Variants in CASK observed in about 807,000 individuals in gnomAD.
CASK encodes peripheral plasma membrane protein CASK.
In CASK, 4 loss-of-function variants were observed where a neutral mutation model predicts 82.9. The ratio of observed to expected loss-of-function variants is 0.05; its 90% CI spans 0.02 to 0.11. CASK has a LOEUF of 0.11. CASK is among the 10% of genes least tolerant of loss of function. The pLI is 1.00. For synonymous variants in CASK, 259 were observed against 253.5 expected (o/e 1.02, Z -0.20); for missense variants, 358 against 720.9 (o/e 0.50, Z 5.76).
chrX:41,861,250 G>GTGCGTGTGTGCGTGTGCA (rs1480582635), intron 1 of CASK, among the ~76,000 whole-genome samples: 3 of 111,474 alleles, frequency 2.7e-5, no homozygotes, highest in African/African-American at 6.5e-5. Context: ...GTGTGTTTGT[G>GTGCGTGTGTGCGTGTGCA]TGCGTGTGTG....
chrX:41,788,092 A>G (rs1297256935), intron 2 of CASK, among the ~76,000 whole-genome samples: 1 of 104,642 alleles, frequency 9.6e-6, no homozygotes, highest in African/African-American at 3.5e-5. Context: ...GGGAGGCAGA[A>G]GTTGCAGTGA....
chrX:41,729,057 T>C (rs1437112710), intron 5 of CASK: 2 of 123,551 alleles, frequency 1.6e-5, no homozygotes, highest in African/African-American at 3.2e-5. Context: ...AATAATGTTA[T>C]TAGTGACAAA....
At chrX:41,896,173 T>C (rs1232465405) in intron 1 of CASK, among the ~76,000 whole-genome samples, 1 of 111,932 alleles carries the variant, frequency 8.9e-6, no homozygotes, top group Non-Finnish European at 1.9e-5. Context: ...AAAGATTCAA[T>C]TTAGAAATCC....
At chrX:41,593,146 A>G (rs1344586635) in intron 12 of CASK, among the ~76,000 whole-genome samples, 2 of 111,597 alleles carry the variant, frequency 1.8e-5, no homozygotes, top group South Asian at 3.7e-4. Context: ...TGGGGCTTCT[A>G]CCTGAGGTGG....
At chrX:41,538,340 T>TA (rs1362135710) in intron 22 of CASK, among the ~76,000 whole-genome samples, 3 of 111,970 alleles carry the variant, frequency 2.7e-5, no homozygotes, top group African/African-American at 9.7e-5. Flanking sequence ...TGTATGTAAA[T>TA]AGAGTATTTC....
intron 2 of CASK, among the ~76,000 whole-genome samples, chrX:41,813,773 A>G (rs1378985574): frequency 8.9e-6 from 1 of 112,045 alleles, no homozygotes; most frequent in African/African-American, 3.2e-5. Flanking sequence ...GCTTCTGCAC[A>G]GCAAAAGAAA....
chrX:41,754,223 C>A (rs888848976), intron 3 of CASK, among the ~76,000 whole-genome samples: 13 of 110,344 alleles, frequency 1.2e-4, no homozygotes, highest in Non-Finnish European at 2.3e-4. Flanking sequence ...TATAGTGAGA[C>A]CCCCATCTCT....
At chrX:41,628,053 G>T (rs1305842450) in intron 9 of CASK, among the ~76,000 whole-genome samples, 1 of 112,044 alleles carries the variant, frequency 8.9e-6, no homozygotes, top group Non-Finnish European at 1.9e-5. Flanking sequence ...TACAGGATTG[G>T]CAAAAGTCAT....
At chrX:41,631,897 C>T (rs1201533442) in intron 9 of CASK, among the ~76,000 whole-genome samples, 2 of 111,371 alleles carry the variant, frequency 1.8e-5, no homozygotes. Flanking sequence ...ACTGCTCATA[C>T]CAGAATAAGT....
At chrX:41,788,976 C>T (rs1043024909) in intron 2 of CASK, among the ~76,000 whole-genome samples, 1 of 111,689 alleles carries the variant, frequency 9.0e-6, no homozygotes, top group Admixed American at 9.5e-5. Context: ...GGCTTAGAAA[C>T]GTGTTCAAGA....
intron 25 of CASK, among the ~76,000 whole-genome samples, chrX:41,526,295 A>C (rs2064711716): frequency 9.0e-6 from 1 of 111,369 alleles, no homozygotes. Context: ...ATGGGAAAGA[A>C]TCCTATTTGC....
intron 26 of CASK, among the ~76,000 whole-genome samples, chrX:41,520,874 C>G (rs1269900880): frequency 5.3e-5 from 6 of 112,279 alleles, no homozygotes; most frequent in Non-Finnish European, 9.4e-5. Context: ...CACCCCCACT[C>G]AGGCCTAGCT....
At chrX:41,818,495 C>T (rs992118254) in intron 2 of CASK, among the ~76,000 whole-genome samples, 3 of 108,614 alleles carry the variant, frequency 2.8e-5, no homozygotes, top group Non-Finnish European at 5.7e-5. Flanking sequence ...TCCAGCTACT[C>T]GGGAGGCTGA....
At chrX:41,896,015 C>T (rs1200362304) in intron 1 of CASK, among the ~76,000 whole-genome samples, 1 of 111,517 alleles carries the variant, frequency 9.0e-6, no homozygotes, top group Non-Finnish European at 1.9e-5. Context: ...GAGGTTGAAT[C>T]AGAGCCCCTG....
intron 4 of CASK, 33 bp from the exon 5 acceptor site, chrX:41,739,489 A>T: frequency 1.1e-6 from 1 of 937,378 alleles, no homozygotes; most frequent in Non-Finnish European, 1.5e-6. Context: ...AAAAACTGTA[A>T]ACAATTTTTA....
intron 8 of CASK, among the ~76,000 whole-genome samples, chrX:41,658,740 T>C (rs776047682): frequency 1.8e-5 from 2 of 111,514 alleles, no homozygotes; most frequent in South Asian, 7.6e-4. Context: ...GAAGACAGTG[T>C]TTCAGAAGGA....
At chrX:41,839,831 A>G (rs1013735637) in intron 2 of CASK, among the ~76,000 whole-genome samples, 2 of 111,897 alleles carry the variant, frequency 1.8e-5, no homozygotes, top group African/African-American at 6.5e-5. Context: ...CTTGTTGAGA[A>G]GACTTTTTCC....
intron 4 of CASK, among the ~76,000 whole-genome samples, chrX:41,740,284 T>C (rs1289037379): frequency 9.0e-6 from 1 of 111,316 alleles, no homozygotes; most frequent in Non-Finnish European, 1.9e-5. Flanking sequence ...ATTCCCTCCA[T>C]ATTTGTCTCT....
chrX:41,843,855 G>A (rs1601895155), intron 2 of CASK, among the ~76,000 whole-genome samples: 1 of 111,355 alleles, frequency 9.0e-6, no homozygotes, highest in East Asian at 2.8e-4. Flanking sequence ...GCTTATATCA[G>A]TATGTCATTC....
Sources: allele counts gnomAD v4.1 joint callset (sites outside exome capture counted in the v4.1 genomes callset), GRCh38; gene constraint gnomAD v4.1.1; transcripts MANE v1.5; gene names NCBI Gene and HGNC (gene_info 2026-07-23, HGNC 2026-07-21).